Variants in FSD1 observed in about 807,000 individuals in gnomAD.
FSD1 encodes fibronectin type III and SPRY domain containing 1.
In FSD1, 23 loss-of-function variants were observed where a neutral mutation model predicts 58.2. That is an observed-to-expected ratio of 0.40 (90% CI 0.28 to 0.56). FSD1 has a LOEUF of 0.56. Ranked by LOEUF, FSD1 falls within the 20% of genes least tolerant of loss-of-function variation. FSD1 has a pLI of 0.54. For synonymous variants in FSD1, 265 were observed against 263.4 expected (o/e 1.01, Z -0.06); for missense variants, 563 against 670.8 (o/e 0.84, Z 1.78).
chr19:4,309,834 G>C (rs1038044191), intron 4 of FSD1, among the ~76,000 whole-genome samples: 1 of 151,002 alleles, frequency 6.6e-6, no homozygotes, highest in African/African-American at 2.4e-5. Context: ...GCGTGAACCC[G>C]GGAGGCGGAG....
At chr19:4,313,544 C>A (rs1224597193) in intron 7 of FSD1, among the ~76,000 whole-genome samples, 1 of 151,488 alleles carries the variant, frequency 6.6e-6, no homozygotes, top group Non-Finnish European at 1.5e-5. Flanking sequence ...ATGGTGAAAC[C>A]CTGTCTCTAC....
intron 4 of FSD1, among the ~76,000 whole-genome samples, chr19:4,308,515 G>C (rs1971650504): frequency 1.3e-5 from 2 of 152,060 alleles, no homozygotes; most frequent in South Asian, 4.1e-4. Context: ...TTGAGGCCAG[G>C]AGTTTCAGAC....
At chr19:4,312,327 A>G (rs1205575458) in intron 7 of FSD1, among the ~76,000 whole-genome samples, 3 of 151,820 alleles carry the variant, frequency 2.0e-5, no homozygotes, top group Non-Finnish European at 4.4e-5. Flanking sequence ...TATCTCTACT[A>G]AAAATACAAA....
At chr19:4,313,190 A>G (rs1273088515) in intron 7 of FSD1, among the ~76,000 whole-genome samples, 3 of 151,254 alleles carry the variant, frequency 2.0e-5, no homozygotes, top group African/African-American at 7.3e-5. Context: ...TATAAAAAAA[A>G]AAAAAATTTA....
At chr19:4,308,943 C>T (rs908004112) in intron 4 of FSD1, among the ~76,000 whole-genome samples, 3 of 152,040 alleles carry the variant, frequency 2.0e-5, no homozygotes, top group South Asian at 2.1e-4. Context: ...GGCATGGTGG[C>T]GGGCACCTGT....
In FSD1 at chr19:4,317,299, T is replaced by C. The variant is rs1183004814; in HGVS notation, c.799+19T>C. On this transcript the variant is annotated intron_variant, in intron 8 of 12. Coordinates refer to ENST00000221856, the MANE Select transcript of FSD1 (RefSeq NM_024333.3). ...ACACCAGGTGACTGGATTCCACCCT[T>C]GTCCTACCCCTAACTCCATGGCCCC... 7 of 1,411,996 alleles carry C rather than the reference T, an allele frequency of 5.0e-6. No individual in the cohort carries two copies. Among genetic ancestry groups the C allele is most frequent in the Non-Finnish European group, 6.0e-6 (6 of 996,254 alleles). The allele number at this position is 1,411,996 out of a possible 1,614,324, so 87.5% of individuals were successfully genotyped here.
At chr19:4,312,845 TAATG>T (rs1429493684) in intron 7 of FSD1, among the ~76,000 whole-genome samples, 1 of 147,838 alleles carries the variant, frequency 6.8e-6, no homozygotes, top group African/African-American at 2.6e-5. Context: ...TAAATAATAA[TAATG>T]AATATATTTT....
intron 4 of FSD1, among the ~76,000 whole-genome samples, chr19:4,309,914 A>G (rs878869444): frequency 7.2e-6 from 1 of 139,724 alleles, no homozygotes. Context: ...ATCTCAAAAA[A>G]AAAAAAACAC....
rs1971596174 is a variant in FSD1, at chr19:4,304,714, G to GCGGGC, written c.-23_-19dup. ...TGGGGACCCAGCGTGCGCGGGGCCC[G>GCGGGC]CGGGCCGGGCCGGGGTGACCTGGGC... On this transcript the variant is annotated 5_prime_UTR_variant, in exon 1 of 13. Coordinates refer to ENST00000221856, the MANE Select transcript of FSD1 (RefSeq NM_024333.3). The GCGGGC allele has an allele frequency of 8.2e-7, 1 of 1,223,390 alleles. No individual in the cohort carries two copies. Among genetic ancestry groups the GCGGGC allele is most frequent in the Non-Finnish European group, 1.0e-6 (1 of 980,488 alleles). 75.8% of individuals were successfully genotyped at this position (1,223,390 alleles called of 1,614,324 possible).
At position 4,306,144 on chromosome 19, in the gene FSD1, T is replaced by A. The variant is rs1169886019; in HGVS notation, c.112-54T>A. 5 of 1,613,080 alleles carry A rather than the reference T, an allele frequency of 3.1e-6. No homozygotes were observed. In the African/African-American group the frequency reaches 6.7e-5, roughly 22 times the overall value. ...TTGCTGTTGATGCCTGTGGGAGGTC[T>A]CAGGTTCCCTCTCTGAACACGGGCT... On this transcript the variant is annotated intron_variant, in intron 2 of 12. Transcript: ENST00000221856.
chr19:4,314,198 G>A (rs1599537894), intron 7 of FSD1, among the ~76,000 whole-genome samples: 2 of 152,296 alleles, frequency 1.3e-5, no homozygotes, highest in Middle Eastern at 3.4e-3. Flanking sequence ...CACGCTAACT[G>A]CAGGGGGAAA....
intron 7 of FSD1, among the ~76,000 whole-genome samples, chr19:4,316,379 C>A (rs1971755547): frequency 6.6e-6 from 1 of 151,184 alleles, no homozygotes; most frequent in Non-Finnish European, 1.5e-5. Flanking sequence ...CACCCCCCGC[C>A]CCCACCAATT....
chr19:4,322,891 T>G (rs1971716992), intron 10 of FSD1, 95 bp from the exon 11 acceptor site: 3 of 1,439,444 alleles, frequency 2.1e-6, no homozygotes, highest in Non-Finnish European at 2.8e-6. Flanking sequence ...AGCTGTGGTG[T>G]AAGGAGCACC....
chr19:4,317,384 A>T (rs1175187762), intron 8 of FSD1, 104 bp downstream of exon 8: 16 of 727,650 alleles, frequency 2.2e-5, no homozygotes, highest in Non-Finnish European at 3.9e-5. Flanking sequence ...CCTGGCTGCC[A>T]GGAAGCTCAA....
intron 4 of FSD1, among the ~76,000 whole-genome samples, chr19:4,308,841 G>A (rs1432559480): frequency 1.3e-5 from 2 of 151,026 alleles, no homozygotes; most frequent in East Asian, 2.0e-4. Flanking sequence ...CTGGGCAACA[G>A]AGCGAGACTC....
intron 10 of FSD1, 148 bp from the exon 11 acceptor site, chr19:4,322,838 G>A (rs1971716032): frequency 2.1e-6 from 2 of 953,398 alleles, no homozygotes; most frequent in South Asian, 3.3e-5. Context: ...AGGAGTATCT[G>A]GGGGGTACAG....
intron 4 of FSD1, among the ~76,000 whole-genome samples, chr19:4,309,600 T>A (rs1216349289): frequency 6.6e-6 from 1 of 152,152 alleles, no homozygotes. Flanking sequence ...GTAGAGTGGC[T>A]TTATGATTTG....
intron 1 of FSD1, 145 bp downstream of exon 1, chr19:4,304,906 C>T: frequency 2.4e-6 from 1 of 419,808 alleles, no homozygotes; most frequent in Non-Finnish European, 4.0e-6. Flanking sequence ...CGACCCCGCC[C>T]GGATCTAGCC....
At position 4,323,110 on chromosome 19, in the gene FSD1, C is replaced by A. The variant is rs1971721985; in HGVS notation, c.1164C>A (p.Ala388=). Residue 388 remains alanine, a synonymous_variant, in exon 11 of 13, where the codon GCC becomes GCA. Transcript: ENST00000221856. The surrounding 1 kb of genome is among the most constrained non-coding windows in gnomAD (Gnocchi z 7.7). ...LGRFEQLGKT[A]ASWCLHVNNW... ...GCTTCGAGCAACTGGGCAAGACGGCCGCCTCCTGGTGCCTGCACGTCAACA... is the reference window on the plus strand; with the variant it reads ...GCTTCGAGCAACTGGGCAAGACGGCAGCCTCCTGGTGCCTGCACGTCAACA... 1 of 1,607,928 alleles carries A rather than the reference C, an allele frequency of 6.2e-7. No individual in the cohort carries two copies.
Sources: allele counts gnomAD v4.1 joint callset (sites outside exome capture counted in the v4.1 genomes callset), GRCh38; gene constraint gnomAD v4.1.1; non-coding constraint Gnocchi (gnomAD v3.1); transcripts MANE v1.5; gene names NCBI Gene and HGNC (gene_info 2026-07-23, HGNC 2026-07-21).